The following IGSF21 variants were observed in gnomAD, a reference collection of about 807,000 sequenced individuals.
The protein encoded by IGSF21 is immunoglobulin superfamily member 21.
Under a neutral mutation model 46.8 loss-of-function variants are expected in IGSF21, and 28 were observed. That is an observed-to-expected ratio of 0.60 (90% CI 0.44 to 0.82). The LOEUF is 0.82. Among genes scored for constraint, IGSF21 ranks in the 40% least tolerant of loss-of-function variants. The pLI is 0.00. For synonymous variants in IGSF21, 284 were observed against 273.6 expected, an observed-to-expected ratio of 1.04 and a Z score of -0.38; for missense variants, 624 against 665.5, an observed-to-expected ratio of 0.94 and a Z score of 0.69.
chr1:18,361,146 A>T (rs1557660520), intron 4 of IGSF21, among the ~76,000 whole-genome samples: 1 of 152,096 alleles, frequency 6.6e-6, no homozygotes, highest in Non-Finnish European at 1.5e-5. Context: ...ATCCAAGTGT[A>T]CGGTACCATC....
intron 4 of IGSF21, among the ~76,000 whole-genome samples, chr1:18,348,734 G>A (rs1432022177): frequency 6.6e-6 from 1 of 152,172 alleles, no homozygotes; most frequent in Non-Finnish European, 1.5e-5. Flanking sequence ...GGCACTCTTA[G>A]GGAGAGAGAG....
intron 4 of IGSF21, among the ~76,000 whole-genome samples, chr1:18,349,092 A>G (rs2085924132): frequency 6.6e-6 from 1 of 152,198 alleles, no homozygotes; most frequent in Non-Finnish European, 1.5e-5. Flanking sequence ...TTTAATTCTC[A>G]TAACAGCTAC....
intron 2 of IGSF21, among the ~76,000 whole-genome samples, chr1:18,243,154 A>C (rs1255308139): frequency 1.3e-5 from 2 of 152,200 alleles, no homozygotes; most frequent in South Asian, 2.1e-4. Context: ...TTTTAAACAC[A>C]AAAGCATCAT....
chr1:18,256,823 TC>T (rs1223409892), intron 2 of IGSF21, among the ~76,000 whole-genome samples: 1 of 152,146 alleles, frequency 6.6e-6, no homozygotes, highest in Non-Finnish European at 1.5e-5. Flanking sequence ...GCTAGCCTAA[TC>T]CCCTCTTCCT....
intron 4 of IGSF21, among the ~76,000 whole-genome samples, chr1:18,336,973 G>A (rs889212960): frequency 1.3e-5 from 2 of 152,188 alleles, no homozygotes; most frequent in South Asian, 4.1e-4. Context: ...ATGAGAAATA[G>A]CACAGGAAAG....
chr1:18,307,221 G>A (rs1194714161), intron 3 of IGSF21, among the ~76,000 whole-genome samples: 1 of 152,006 alleles, frequency 6.6e-6, no homozygotes, highest in Non-Finnish European at 1.5e-5. Context: ...ACTAAGTCCA[G>A]TCATAACTCT....
rs181775179 is a variant in IGSF21 at position 18,280,548 on chromosome 1, G to A, written c.184-11318G>A. 2.3e-3 allele frequency among the ~76,000 whole-genome samples: 351 copies of A among 152,252 alleles called. 3 individuals carry two copies. Among genetic ancestry groups the A allele is most frequent in the African/African-American group, 8.1e-3 (337 of 41,536 alleles). On this transcript the variant is annotated intron_variant, in intron 2 of 9. Transcript: ENST00000251296. ...GTACTATGTGAAAGACACCTTCTAA[G>A]CACTTTATAGGGAAGAACCCGATTC...
chr1:18,175,413 G>T (rs575767096), intron 1 of IGSF21, among the ~76,000 whole-genome samples: 1 of 152,148 alleles, frequency 6.6e-6, no homozygotes. Flanking sequence ...GTTAGCACCC[G>T]CAGACAGCCG....
chr1:18,334,886 C>T lies in IGSF21; in HGVS notation c.306-6C>T, dbSNP rs1465398364. On this transcript the variant is annotated splice_region_variant and splice_polypyrimidine_tract_variant and intron_variant, in intron 3 of 9. Transcript: ENST00000251296. The surrounding 1 kb of genome is among the most constrained non-coding windows in gnomAD (Gnocchi z 4.3). ...GGGCCCTCACCCTGTCTTCTGCCTC[C>T]CCCAGGCTGCCCGAGGTCCGGATCT... The T allele has an allele frequency of 6.2e-7, 1 of 1,612,184 alleles. No homozygotes were observed.
intron 1 of IGSF21, among the ~76,000 whole-genome samples, chr1:18,138,926 GT>G: frequency 6.6e-6 from 1 of 152,330 alleles, no homozygotes; most frequent in South Asian, 2.1e-4. Context: ...GTCTGGGAGA[GT>G]TGGGATTCAG....
chr1:18,214,706 G>C (rs12563111), intron 1 of IGSF21, among the ~76,000 whole-genome samples: 73,910 of 151,952 alleles, frequency 0.49, 18,463 homozygotes, highest in Non-Finnish European at 0.54. Flanking sequence ...GAGAAAGCGG[G>C]AGAGAAAGTT....
At chr1:18,137,654 G>T (rs909403709) in intron 1 of IGSF21, among the ~76,000 whole-genome samples, 1 of 152,258 alleles carries the variant, frequency 6.6e-6, no homozygotes, top group Admixed American at 6.5e-5. Flanking sequence ...TGGAGACATA[G>T]AGAAAGTTCA....
chr1:18,273,399 CCTTTCCT>C (rs2085064251), intron 2 of IGSF21, among the ~76,000 whole-genome samples: 1 of 147,144 alleles, frequency 6.8e-6, no homozygotes, highest in African/African-American at 2.5e-5. Context: ...CCTTTCCTTT[CCTTTCCT>C]TTCCTTTCTT....
At chr1:18,273,040 T>C (rs1286609641) in intron 2 of IGSF21, among the ~76,000 whole-genome samples, 3 of 94,672 alleles carry the variant, frequency 3.2e-5, no homozygotes, top group East Asian at 5.1e-4. Flanking sequence ...CAGACGGATC[T>C]TTTTTTTTTT....
At chr1:18,252,044 CGTTTT>C (rs2084847028) in intron 2 of IGSF21, among the ~76,000 whole-genome samples, 3 of 98,982 alleles carry the variant, frequency 3.0e-5, no homozygotes, top group Admixed American at 1.3e-4. Flanking sequence ...CTGACCAAGG[CGTTTT>C]TTTTTTTTTT....
At position 18,145,066 on chromosome 1, in the gene IGSF21, C is replaced by A. The variant is rs562423591; in HGVS notation, c.70+36868C>A. Among the ~76,000 whole-genome samples, 62 of 152,090 alleles carry A rather than the reference C, an allele frequency of 4.1e-4. 1 individual carries two copies. The highest frequency in any genetic ancestry group is 6.8e-3 in the Middle Eastern group (2 of 294). ...CCCGAAAGCTGGAGATAATTTGAAG[C>A]GTTTAGAAAGGCACAAAAAAGAAAA... On this transcript the variant is annotated intron_variant, in intron 1 of 9. Transcript: ENST00000251296.
intron 4 of IGSF21, among the ~76,000 whole-genome samples, chr1:18,359,141 G>T (rs2086055762): frequency 6.6e-6 from 1 of 151,656 alleles, no homozygotes; most frequent in South Asian, 2.1e-4. Context: ...AGGCGTGGTG[G>T]CACACAACTG....
At chr1:18,112,768 T>C (rs1336983900) in intron 1 of IGSF21, 1 of 152,284 alleles carries the variant, frequency 6.6e-6, no homozygotes, top group African/African-American at 2.4e-5. Flanking sequence ...TCTGCACAGA[T>C]GGGAGAGGGA....
At chr1:18,167,472 C>T (rs1039549724) in intron 1 of IGSF21, among the ~76,000 whole-genome samples, 3 of 152,164 alleles carry the variant, frequency 2.0e-5, no homozygotes, top group African/African-American at 7.2e-5. Context: ...TCTCTGCATG[C>T]ACCCCCATGC....
Sources: allele counts gnomAD v4.1 joint callset (sites outside exome capture counted in the v4.1 genomes callset), GRCh38; gene constraint gnomAD v4.1.1; non-coding constraint Gnocchi (gnomAD v3.1); transcripts MANE v1.5; gene names NCBI Gene and HGNC (gene_info 2026-07-23, HGNC 2026-07-21).